ZMYND8: variants seen among roughly 807,000 people sequenced by gnomAD.
The protein encoded by ZMYND8 is zinc finger MYND-type containing 8, also known as MYND-type zinc finger-containing chromatin reader ZMYND8.
Under a neutral mutation model 140.8 loss-of-function variants are expected in ZMYND8, and 37 were observed. The observed-to-expected ratio is 0.26, with a 90% confidence interval of 0.20 to 0.35. The LOEUF is 0.35. Among genes scored for constraint, ZMYND8 ranks in the 10% least tolerant of loss-of-function variants. The pLI, the probability that ZMYND8 is intolerant of heterozygous loss-of-function variation, is 1.00. For synonymous variants in ZMYND8, 592 were observed against 597.1 expected (o/e 0.99, Z 0.12); for missense variants, 1,068 against 1,570.0 (o/e 0.68, Z 5.40).
chr20:47,279,718 A>G (rs1468565091), intron 10 of ZMYND8, among the ~76,000 whole-genome samples: 1 of 151,524 alleles, frequency 6.6e-6, no homozygotes, highest in African/African-American at 2.4e-5. Context: ...AGCACTTAAA[A>G]CACTGCCCAG....
At chr20:47,223,676 A>G (rs1223300996) in intron 19 of ZMYND8, among the ~76,000 whole-genome samples, 1 of 151,672 alleles carries the variant, frequency 6.6e-6, no homozygotes, top group Non-Finnish European at 1.5e-5. Context: ...AATACTAAAA[A>G]TTAGCCGGGC....
intron 16 of ZMYND8, among the ~76,000 whole-genome samples, chr20:47,233,815 G>A (rs569645496): frequency 2.0e-5 from 3 of 152,300 alleles, no homozygotes; most frequent in East Asian, 3.9e-4. Context: ...AAAGTGCTTA[G>A]GACAGCATCT....
At chr20:47,243,663 T>G (rs1355932216) in intron 14 of ZMYND8, among the ~76,000 whole-genome samples, 1 of 152,200 alleles carries the variant, frequency 6.6e-6, no homozygotes, top group African/African-American at 2.4e-5. Context: ...TTTACATGGA[T>G]GTCTTTATTT....
intron 3 of ZMYND8, among the ~76,000 whole-genome samples, chr20:47,303,202 A>C (rs1451623504): frequency 6.6e-6 from 1 of 152,100 alleles, no homozygotes; most frequent in Non-Finnish European, 1.5e-5. Context: ...GAGCAGCAGG[A>C]AGGGGAAGAG....
chr20:47,282,969 A>T lies in ZMYND8; in HGVS notation c.882+602T>A, dbSNP rs563676923. Among the ~76,000 whole-genome samples the T allele has an allele frequency of 2.4e-3, 364 of 152,264 alleles. 2 individuals are homozygous for T. Among genetic ancestry groups the T allele is most frequent in the Admixed American group, 5.3e-3 (81 of 15,288 alleles). On this transcript the variant is annotated intron_variant, in intron 9 of 22. Coordinates refer to ENST00000471951, the MANE Select transcript of ZMYND8 (RefSeq NM_001281775.3). ...AGCTATTCCGGTGTTAATCTCCAAA[A>T]GCACGAAGAGATGCAAAGTATATTT...
intron 2 of ZMYND8, among the ~76,000 whole-genome samples, chr20:47,340,045 C>G (rs930094252): frequency 2.0e-5 from 3 of 152,000 alleles, no homozygotes; most frequent in African/African-American, 7.3e-5. Flanking sequence ...TGGTTTCCAG[C>G]GATTCCCCTG....
At chr20:47,346,271 G>A (rs2148585506) in intron 2 of ZMYND8, among the ~76,000 whole-genome samples, 1 of 152,190 alleles carries the variant, frequency 6.6e-6, no homozygotes, top group Non-Finnish European at 1.5e-5. Flanking sequence ...GTGGCTGAGA[G>A]GCACGTGCTC....
Position 47,299,045 on chromosome 20 carries a change from C to T in ZMYND8, c.235-98G>A, listed in dbSNP as rs912936037. ...CATCAATAACAACAAAAGAAAATAA[C>T]AGCATTTCACAAATTCATTAAAAAG... On this transcript the variant is annotated intron_variant, in intron 3 of 22. Transcript: ENST00000471951. 7 of 1,140,252 alleles carry T rather than the reference C, an allele frequency of 6.1e-6. 1 individual carries two copies. In the Admixed American group the frequency reaches 1.5e-4, roughly 24 times the overall value. The allele number at this position is 1,140,252 out of a possible 1,614,324, so 70.6% of individuals were successfully genotyped here. A position where few individuals can be genotyped will look rare whatever the true frequency, so the allele number is the denominator to read the frequency against.
chr20:47,234,298 C>T (rs1375703481), intron 16 of ZMYND8, among the ~76,000 whole-genome samples: 2 of 152,248 alleles, frequency 1.3e-5, no homozygotes, highest in South Asian at 4.1e-4. Context: ...ATCCACCCAC[C>T]TCAGCCTCCC....
At chr20:47,336,545 C>T (rs556498285) in intron 2 of ZMYND8, among the ~76,000 whole-genome samples, 2 of 152,298 alleles carry the variant, frequency 1.3e-5, no homozygotes, top group African/African-American at 2.4e-5. Context: ...ATTCAACCCG[C>T]GGAGTACATC....
Position 47,276,462 on chromosome 20 carries a change from A to G in ZMYND8, c.1332T>C (p.Ile444=). ...GGGAGCGCGGCATATCCGACAAGGAAATCCGGCGGCCTGTGCCCCCACTCA... is the reference window on the plus strand; with the variant it reads ...GGGAGCGCGGCATATCCGACAAGGAGATCCGGCGGCCTGTGCCCCCACTCA... ...PVLSGGTGRR[I]SLSDMPRSPM... Residue 444 remains isoleucine (I), a synonymous_variant, in exon 11 of 23, where the codon ATT becomes ATC. Transcript: ENST00000471951. 3.7e-6 allele frequency: 6 copies of G among 1,613,906 alleles called. No homozygotes were observed. The highest frequency in any genetic ancestry group is 5.1e-6 in the Non-Finnish European group (6 of 1,179,980).
At chr20:47,235,357 A>G (rs566877480) in intron 16 of ZMYND8, among the ~76,000 whole-genome samples, 30 of 152,224 alleles carry the variant, frequency 2.0e-4, no homozygotes, top group African/African-American at 7.0e-4. Context: ...GCGCACTCTC[A>G]CATGACGCTG....
rs201019352 is a variant in ZMYND8 at position 47,290,962 on chromosome 20, T to C, written c.661-688A>G. On this transcript the variant is annotated intron_variant, in intron 6 of 22. Coordinates refer to ENST00000471951, the MANE Select transcript of ZMYND8 (RefSeq NM_001281775.3). ...TGGTCTCACACAAACCTCACAATAA[T>C]TTAATGAAGTACTTATTATCATACC... is the stretch of plus-strand genomic sequence containing the variant. Among the ~76,000 whole-genome samples the C allele has an allele frequency of 5.3e-5, 8 of 152,284 alleles. No homozygotes were observed. The East Asian group carries it at 1.5e-3, about 29-fold the overall frequency.
At chr20:47,349,072 T>C (rs902688032) in intron 1 of ZMYND8, 2 of 152,178 alleles carry the variant, frequency 1.3e-5, no homozygotes, top group Admixed American at 1.3e-4. Context: ...GAATGTTCCG[T>C]GGTCTGGGAC....
At chr20:47,356,291 G>T in intron 1 of ZMYND8, 1 of 1,250,314 alleles carries the variant, frequency 8.0e-7, no homozygotes, top group Non-Finnish European at 1.0e-6. Context: ...GGGGGGAACT[G>T]CTCAGAGAGA....
At chr20:47,341,309 T>G (rs1053897832) in intron 2 of ZMYND8, among the ~76,000 whole-genome samples, 1 of 144,628 alleles carries the variant, frequency 6.9e-6, no homozygotes, top group Non-Finnish European at 1.5e-5. Context: ...GGCAGATCAC[T>G]TGAGGTCAGG....
intron 17 of ZMYND8, among the ~76,000 whole-genome samples, chr20:47,228,552 C>A (rs1003871996): frequency 2.2e-4 from 33 of 152,226 alleles, no homozygotes; most frequent in African/African-American, 8.0e-4. Context: ...TTTCTAAAGC[C>A]TTATTCTTTC....
intron 19 of ZMYND8, among the ~76,000 whole-genome samples, chr20:47,222,244 G>A (rs1276685763): frequency 7.2e-5 from 11 of 152,202 alleles, no homozygotes; most frequent in Non-Finnish European, 1.6e-4. Flanking sequence ...TAGAAAAACA[G>A]GGCGTTTGGG....
chr20:47,319,231 C>T (rs559472305), intron 2 of ZMYND8: 2 of 366,522 alleles, frequency 5.5e-6, no homozygotes, highest in African/African-American at 4.2e-5. Flanking sequence ...GGGCTTTCGC[C>T]TATAATTTAT....
Sources: allele counts gnomAD v4.1 joint callset (sites outside exome capture counted in the v4.1 genomes callset), GRCh38; gene constraint gnomAD v4.1.1; transcripts MANE v1.5; gene names NCBI Gene and HGNC (gene_info 2026-07-23, HGNC 2026-07-21).